The following OXR1 variants were observed in gnomAD, a reference collection of about 807,000 sequenced individuals.
The protein encoded by OXR1 is oxidation resistance protein 1.
A neutral mutation model predicts 104.6 loss-of-function variants in OXR1; 41 were observed. The observed-to-expected ratio is 0.39, with a 90% CI of 0.31 to 0.51. The LOEUF is 0.51. Among genes scored for constraint, OXR1 ranks in the 20% least tolerant of loss-of-function variants. The pLI is 0.77. For missense variants in OXR1, 955 were observed against 1,031.9 expected, an observed-to-expected ratio of 0.93 and a Z score of 1.02; for synonymous variants, 348 against 348.4, an observed-to-expected ratio of 1.00 and a Z score of 0.01.
At chr8:106,687,473 C>T (rs1326409023) in intron 6 of OXR1, among the ~76,000 whole-genome samples, 1 of 152,148 alleles carries the variant, frequency 6.6e-6, no homozygotes, top group African/African-American at 2.4e-5. Context: ...GTAATCCCAG[C>T]ACTTTGGGAG....
chr8:106,341,806 G>T (rs913874160), intron 1 of OXR1, among the ~76,000 whole-genome samples: 1 of 151,478 alleles, frequency 6.6e-6, no homozygotes, highest in African/African-American at 2.4e-5. Flanking sequence ...ATTTTGTCAA[G>T]CCTCAGAGGA....
intron 3 of OXR1, among the ~76,000 whole-genome samples, chr8:106,526,813 G>A (rs541831866): frequency 6.6e-6 from 1 of 152,328 alleles, no homozygotes; most frequent in Non-Finnish European, 1.5e-5. Context: ...AAAGTCCTGG[G>A]ATTATAGGCG....
intron 13 of OXR1, 57 bp downstream of exon 13, chr8:106,739,640 A>G: frequency 1.9e-6 from 3 of 1,541,082 alleles, no homozygotes; most frequent in Non-Finnish European, 2.7e-6. Context: ...CATGAGAGTA[A>G]AACAGCCTCT....
rs563947132 is a variant in OXR1, at chr8:106,645,047, G to A, written c.221-34163G>A. On this transcript the variant is annotated intron_variant, in intron 3 of 16. Transcript: ENST00000517566. The stretch of plus-strand genomic sequence containing the variant: ...TTAAGATTACCCTGGCTGCAGTGTT[G>A]GAGATCGATTAAAGAGGGGGTAAAG... Among the ~76,000 whole-genome samples, 77 of 152,112 alleles carry A rather than the reference G, an allele frequency of 5.1e-4. 1 individual carries two copies. The highest frequency in any genetic ancestry group is 3.4e-3 in the Middle Eastern group (1 of 294).
At chr8:106,591,181 G>C (rs1007089633) in intron 3 of OXR1, among the ~76,000 whole-genome samples, 9 of 148,856 alleles carry the variant, frequency 6.0e-5, no homozygotes, top group African/African-American at 2.0e-4. Flanking sequence ...GCAAACTATC[G>C]CAAGGACAAA....
At chr8:106,589,020 G>T (rs1818865799) in intron 3 of OXR1, among the ~76,000 whole-genome samples, 2 of 149,508 alleles carry the variant, frequency 1.3e-5, no homozygotes, top group South Asian at 4.2e-4. Flanking sequence ...TTATTCCAAA[G>T]CTTAGCTTAG....
chr8:106,680,258 G>A (rs1442155628), intron 4 of OXR1, among the ~76,000 whole-genome samples: 2 of 152,056 alleles, frequency 1.3e-5, no homozygotes, highest in Non-Finnish European at 2.9e-5. Context: ...CTCAAATTGC[G>A]TGTGTTTGTA....
intron 2 of OXR1, among the ~76,000 whole-genome samples, chr8:106,402,851 C>T (rs549976634): frequency 1.3e-5 from 2 of 152,126 alleles, no homozygotes; most frequent in East Asian, 1.9e-4. Context: ...GACAGAATCT[C>T]GCTCTGTCGC....
intron 2 of OXR1, among the ~76,000 whole-genome samples, chr8:106,409,222 C>T (rs944530504): frequency 2.6e-5 from 4 of 152,016 alleles, no homozygotes; most frequent in Non-Finnish European, 4.4e-5. Context: ...ATTAGCTTCT[C>T]GGAAGAAAAG....
rs553574812 is a variant in OXR1 at position 106,726,169 on chromosome 8, C to G, written c.1957-11351C>G. 15 of 1,478,080 alleles carry G rather than the reference C, an allele frequency of 1.0e-5. No individual in the cohort carries two copies. The African/African-American group carries it at 2.0e-4, about 20-fold the overall frequency. The allele number at this position is 1,478,080 out of a possible 1,614,324, so 91.6% of individuals were successfully genotyped here. ...TAAGGCTCTAGTGCTGGAAATTTAT[C>G]TTTGACAGAGGAAGAATGCTTTTGA... On this transcript the variant is annotated intron_variant, in intron 11 of 16. Coordinates refer to ENST00000517566, the MANE Select transcript of OXR1 (RefSeq NM_001198533.2).
intron 6 of OXR1, among the ~76,000 whole-genome samples, chr8:106,691,542 ACCT>A (rs1308277603): frequency 6.6e-6 from 1 of 151,168 alleles, no homozygotes; most frequent in Non-Finnish European, 1.5e-5. Context: ...CTTTCAGGTA[ACCT>A]CAGAGATCAT....
chr8:106,749,852 TCTCGGTTA>T (rs1361285123), intron 16 of OXR1, among the ~76,000 whole-genome samples: 1 of 152,078 alleles, frequency 6.6e-6, no homozygotes, highest in Non-Finnish European at 1.5e-5. Flanking sequence ...TGTTTTCCCC[TCTCGGTTA>T]TGTATTAGAT....
chr8:106,395,566 C>T (rs1435867052), intron 2 of OXR1, among the ~76,000 whole-genome samples: 1 of 152,134 alleles, frequency 6.6e-6, no homozygotes, highest in Non-Finnish European at 1.5e-5. Context: ...CCTCCTGGGT[C>T]CTTCCCACAA....
intron 1 of OXR1, among the ~76,000 whole-genome samples, chr8:106,283,208 C>A (rs991142679): frequency 6.6e-6 from 1 of 152,202 alleles, no homozygotes; most frequent in Non-Finnish European, 1.5e-5. Flanking sequence ...TCTGTAGATT[C>A]TCTGTGGGCT....
chr8:106,352,276 C>G (rs776756476), intron 1 of OXR1, among the ~76,000 whole-genome samples: 1 of 152,080 alleles, frequency 6.6e-6, no homozygotes, highest in Non-Finnish European at 1.5e-5. Flanking sequence ...CTGGCTTGGA[C>G]GATGAGTATA....
chr8:106,405,559 C>A (rs1818201644), intron 2 of OXR1, among the ~76,000 whole-genome samples: 2 of 152,072 alleles, frequency 1.3e-5, no homozygotes, highest in African/African-American at 2.4e-5. Context: ...AAGTTCAGAG[C>A]CTAGCCCACC....
intron 6 of OXR1, among the ~76,000 whole-genome samples, chr8:106,685,668 G>A: frequency 6.6e-6 from 1 of 150,386 alleles, no homozygotes; most frequent in Non-Finnish European, 1.5e-5. Context: ...CCAGTGATAT[G>A]AGTAAATTCT....
At chr8:106,536,716 C>A (rs1214742334) in intron 3 of OXR1, among the ~76,000 whole-genome samples, 1 of 152,026 alleles carries the variant, frequency 6.6e-6, no homozygotes, top group Non-Finnish European at 1.5e-5. Context: ...TCACTCAAAG[C>A]AAATAATCTG....
chr8:106,635,883 A>G (rs966772414), intron 3 of OXR1, among the ~76,000 whole-genome samples: 2 of 152,194 alleles, frequency 1.3e-5, no homozygotes, highest in African/African-American at 4.8e-5. Context: ...GCAGTTTTAG[A>G]TATAGTCTTG....
Sources: allele counts gnomAD v4.1 joint callset (sites outside exome capture counted in the v4.1 genomes callset), GRCh38; gene constraint gnomAD v4.1.1; transcripts MANE v1.5; gene names NCBI Gene and HGNC (gene_info 2026-07-23, HGNC 2026-07-21).